The following DOCK9 variants were observed in gnomAD, a reference collection of about 807,000 sequenced individuals.
The protein encoded by DOCK9 is dedicator of cytokinesis 9.
DOCK9 carries 89 observed loss-of-function variants against 263.3 expected under a neutral mutation model. That is an observed-to-expected ratio of 0.34 (90% confidence interval 0.28 to 0.40). The LOEUF (loss-of-function observed/expected upper bound fraction) is 0.40. Ranked by LOEUF, DOCK9 falls within the 10% of genes least tolerant of loss-of-function variation. The pLI, the probability that DOCK9 is intolerant of heterozygous loss-of-function variation, is 1.00. For missense variants in DOCK9, 2,140 were observed against 2,603.4 expected, an observed-to-expected ratio of 0.82 and a Z score of 3.87; for synonymous variants, 976 against 973.1, an observed-to-expected ratio of 1.00 and a Z score of -0.06.
At position 98,805,035 on chromosome 13, in the gene DOCK9, C is replaced by T; in HGVS notation, c.5689G>A (p.Val1897Met). The part of the protein sequence containing the change: ...FTQTGKRQGG[V>M]EEQCKRRTIL... The stretch of plus-strand genomic sequence containing the variant: ...GTGCGCCGTTTGCACTGCTCTTCCA[C>T]CCCGCCCTGCCTCTTCCCGGTCTGC... Residue 1897 changes from valine (V) to methionine (M), a missense_variant, in exon 49 of 53, where the codon GTG (valine) becomes ATG (methionine). Around this residue, in one of 2 missense-constraint regions of DOCK9, gnomAD observed 619 missense variants for 861.8 expected, o/e 0.72. Transcript: ENST00000682017. The T allele has an allele frequency of 6.2e-7, 1 of 1,610,352 alleles. No homozygotes were observed. Among genetic ancestry groups the T allele is most frequent in the Non-Finnish European group, 8.5e-7 (1 of 1,178,320 alleles).
chr13:98,800,553 A>G, intron 49 of DOCK9, 75 bp from the exon 50 acceptor site: 1 of 1,504,518 alleles, frequency 6.6e-7, no homozygotes. Flanking sequence ...TATTATTAGA[A>G]GTGATTATTA....
At chr13:98,884,273 G>C (rs2045328927) in intron 21 of DOCK9, among the ~76,000 whole-genome samples, 1 of 152,210 alleles carries the variant, frequency 6.6e-6, no homozygotes, top group Admixed American at 6.5e-5. Context: ...TGCAGGCCTG[G>C]CACAGGCAAA....
At position 98,797,383 on chromosome 13, in the gene DOCK9, CT is replaced by C. The variant is rs749858339; in HGVS notation, c.6017+5del. On this transcript the variant is annotated splice_donor_5th_base_variant and intron_variant, in intron 51 of 52. Transcript: ENST00000682017. ...AAGAGAAAAAGATGCTTTCAGTGTG[CT>C]TTACCTGAAAACTTCCTTAAGCAGC... 6.2e-7 allele frequency: 1 copy of C among 1,612,558 alleles called. No homozygotes were observed. Among genetic ancestry groups the C allele is most frequent in the South Asian group, 1.1e-5 (1 of 90,820 alleles).
intron 7 of DOCK9, among the ~76,000 whole-genome samples, 180 bp from the exon 8 acceptor site, chr13:98,915,683 C>T (rs1049240825): frequency 6.6e-6 from 1 of 151,020 alleles, no homozygotes; most frequent in Non-Finnish European, 1.5e-5. Context: ...TCCACCTTCC[C>T]TGCTTCACTT....
Position 98,942,134 on chromosome 13 carries a change from T to C in DOCK9, c.244-11877A>G, listed in dbSNP as rs2055966513. 2.0e-5 allele frequency among the ~76,000 whole-genome samples: 3 copies of C among 152,320 alleles called. No homozygotes were observed. In the South Asian group the frequency reaches 6.2e-4, roughly 32 times the overall value. On this transcript the variant is annotated intron_variant, in intron 2 of 52. Transcript: ENST00000682017. ...CACCTACCAACTCTTTCATGTGCAT[T>C]GCACTCAACCTTGAGGTAGGTGTAA...
chr13:98,809,349 C>T lies in DOCK9; in HGVS notation c.5367+3G>A, dbSNP rs770773011. 9 of 1,611,898 alleles carry T rather than the reference C, an allele frequency of 5.6e-6. No individual in the cohort carries two copies. Among genetic ancestry groups the T allele is most frequent in the South Asian group, 2.2e-5 (2 of 90,998 alleles). On this transcript the variant is annotated splice_donor_region_variant and intron_variant, in intron 47 of 52. Coordinates refer to ENST00000682017, the MANE Select transcript of DOCK9 (RefSeq NM_001366683.2). The stretch of plus-strand genomic sequence containing the variant: ...CAGTCTGCAGAATGGACAGGAGGCT[C>T]ACCTGCCCGAAGAAGGCTACCCGGA...
intron 1 of DOCK9, among the ~76,000 whole-genome samples, chr13:99,011,980 G>A (rs1043666583): frequency 1.3e-5 from 2 of 151,932 alleles, no homozygotes; most frequent in Admixed American, 6.6e-5. Flanking sequence ...GCACCACCAC[G>A]CCCAGCTAAT....
chr13:99,001,067 T>G (rs758873412), intron 1 of DOCK9, among the ~76,000 whole-genome samples: 5 of 152,182 alleles, frequency 3.3e-5, no homozygotes, highest in Non-Finnish European at 7.3e-5. Flanking sequence ...AGCACTTACC[T>G]CTCAGCAAGG....
intron 7 of DOCK9, among the ~76,000 whole-genome samples, chr13:98,917,776 T>A (rs2051141768): frequency 6.6e-6 from 1 of 152,114 alleles, no homozygotes; most frequent in African/African-American, 2.4e-5. Flanking sequence ...TAGTTACCAA[T>A]AACTAAAGTT....
intron 37 of DOCK9, chr13:98,846,896 G>A (rs544186271): frequency 1.6e-5 from 5 of 319,322 alleles, no homozygotes; most frequent in African/African-American, 1.1e-4. Flanking sequence ...GAGAACCATG[G>A]CAATTTTTGT....
Position 98,794,726 on chromosome 13 carries a change from G to A in DOCK9, c.6179C>T (p.Thr2060Met), listed in dbSNP as rs190124590. 41 of 1,613,956 alleles carry A rather than the reference G, an allele frequency of 2.5e-5. No individual in the cohort carries two copies. The Middle Eastern group carries it at 4.9e-4, about 19-fold the overall frequency. ...GTGAAGGGAATTCGGTAAGACGCTC[G>A]TCTTCTCCTCCAGGGGGCAGATCTT... ...HEQICPLEEK[T>M]SVLPNSLHIF... is the part of the protein sequence containing the mutation. Residue 2060 changes from threonine (T) to methionine (M), a missense_variant, in exon 53 of 53, where the codon ACG (threonine) becomes ATG (methionine). Thr to Met is a moderately conservative substitution (Grantham distance 81). Around this residue, in one of 2 missense-constraint regions of DOCK9, gnomAD observed 619 missense variants for 861.8 expected, o/e 0.72. Transcript: ENST00000682017.
Position 99,086,345 on chromosome 13 carries a change from G to A in DOCK9, c.7C>T (p.Gln3Ter). ...GCCGAGGCGGGGAGCAGCGGCGGCT[G>A]CGACATCCTCCTGCCCCCGCCGCCT... The change falls in exon 1 of 33, where the codon CAG (glutamine) becomes TAG (stop). Residue 3 changes from glutamine to a stop codon, truncating the protein, a stop_gained. Coordinates refer to the DOCK9 transcript ENST00000427887. LOFTEE classifies it high-confidence loss of function. 6.9e-7 allele frequency: 1 copy of A among 1,444,024 alleles called. No homozygotes were observed. The highest frequency in any genetic ancestry group is 9.1e-7 in the Non-Finnish European group (1 of 1,101,664). The allele number at this position is 1,444,024 out of a possible 1,614,324, so 89.5% of individuals were successfully genotyped here. A position where few individuals can be genotyped will look rare whatever the true frequency, so the allele number is the denominator to read the frequency against.
rs757636177 is a variant in DOCK9, at chr13:98,802,483, G to C, written c.5726-2005C>G. ...TGATAAGTATGGTGACTGCTGGTCT[G>C]TGTGTCTTGAATAGAAAGTGGAGGG... is the stretch of plus-strand genomic sequence containing the variant. On this transcript the variant is annotated intron_variant, in intron 49 of 52. Coordinates refer to ENST00000682017, the MANE Select transcript of DOCK9 (RefSeq NM_001366683.2). Among the ~76,000 whole-genome samples the C allele has an allele frequency of 2.0e-5, 3 of 152,218 alleles. No homozygotes were observed. In the East Asian group the frequency reaches 5.8e-4, roughly 29 times the overall value.
At chr13:98,928,353 T>A (rs1009965253) in intron 3 of DOCK9, among the ~76,000 whole-genome samples, 2 of 152,252 alleles carry the variant, frequency 1.3e-5, no homozygotes, top group African/African-American at 4.8e-5. Context: ...TGCTTTGTTT[T>A]AAGCCATTAG....
At chr13:98,963,893 C>T (rs1403974974) in intron 1 of DOCK9, among the ~76,000 whole-genome samples, 1 of 152,254 alleles carries the variant, frequency 6.6e-6, no homozygotes, top group Non-Finnish European at 1.5e-5. Context: ...TCCTATCATG[C>T]ACGTGACTCT....
At chr13:98,975,044 C>A (rs2060101668) in intron 1 of DOCK9, among the ~76,000 whole-genome samples, 1 of 152,114 alleles carries the variant, frequency 6.6e-6, no homozygotes, top group South Asian at 2.1e-4. Context: ...AATAACGATC[C>A]AATTATAGTA....
intron 34 of DOCK9, among the ~76,000 whole-genome samples, chr13:98,855,598 C>G (rs1306490182): frequency 6.6e-6 from 1 of 151,870 alleles, no homozygotes; most frequent in Non-Finnish European, 1.5e-5. Context: ...AATAAAAAGA[C>G]TACAGGAAAT....
intron 46 of DOCK9, 115 bp downstream of exon 46, chr13:98,810,054 C>T: frequency 7.1e-7 from 1 of 1,410,642 alleles, no homozygotes; most frequent in Non-Finnish European, 9.8e-7. Context: ...GGGTCAGAGA[C>T]CCCCACTCAT....
At chr13:98,987,533 G>A (rs1490286173) in intron 1 of DOCK9, among the ~76,000 whole-genome samples, 1 of 152,052 alleles carries the variant, frequency 6.6e-6, no homozygotes, top group Non-Finnish European at 1.5e-5. Flanking sequence ...GGTTTACGAT[G>A]TTACATAAGC....
Sources: allele counts gnomAD v4.1 joint callset (sites outside exome capture counted in the v4.1 genomes callset), GRCh38; gene constraint gnomAD v4.1.1; regional missense constraint gnomAD v4.1.1; transcripts MANE v1.5; gene names NCBI Gene and HGNC (gene_info 2026-07-23, HGNC 2026-07-21).